SPIDR: variants seen among roughly 807,000 people sequenced by gnomAD.
The protein encoded by SPIDR is scaffold protein involved in DNA repair.
SPIDR carries 93 observed loss-of-function variants against 104.6 expected under a neutral mutation model. The observed-to-expected ratio is 0.89, with a 90% CI of 0.75 to 1.06. The LOEUF (loss-of-function observed/expected upper bound fraction) is 1.06, where lower values mean the gene tolerates loss of function less well. Among genes scored for constraint, SPIDR ranks in the 50% least tolerant of loss-of-function variants. SPIDR has a pLI of 0.00. For missense variants in SPIDR, 1,154 were observed against 1,111.2 expected (o/e 1.04, Z -0.55); for synonymous variants, 431 against 416.9 (o/e 1.03, Z -0.41).
At chr8:47,729,089 C>G (rs2154493935) in intron 18 of SPIDR, 42 bp downstream of exon 18, 1 of 1,606,184 alleles carries the variant, frequency 6.2e-7, no homozygotes, top group Middle Eastern at 1.7e-4. Context: ...CTAGCTCACT[C>G]CAACATAGCG....
intron 5 of SPIDR, among the ~76,000 whole-genome samples, chr8:47,318,349 G>A (rs2045839861): frequency 6.6e-6 from 1 of 151,740 alleles, no homozygotes; most frequent in South Asian, 2.1e-4. Flanking sequence ...TATCAGTGAT[G>A]GAAGATGAAA....
intron 8 of SPIDR, 30 bp downstream of exon 8, chr8:47,440,572 A>G: frequency 6.3e-7 from 1 of 1,579,396 alleles, no homozygotes; most frequent in Non-Finnish European, 8.6e-7. Flanking sequence ...TCCAGCAGTC[A>G]CCAACTGTGA....
chr8:47,463,393 A>T (rs369838128), intron 8 of SPIDR, among the ~76,000 whole-genome samples: 45 of 152,202 alleles, frequency 3.0e-4, no homozygotes, highest in African/African-American at 1.1e-3. Flanking sequence ...AAACCTTCCA[A>T]TGAAGAAAGA....
At position 47,452,253 on chromosome 8, in the gene SPIDR, G is replaced by A. The variant is rs148981184; in HGVS notation, c.1097+11711G>A. ...ATCAGAAACTGTGAGGTCCAAAATC[G>A]ATCAATCAATGAGAAAACGAAACAA... On this transcript the variant is annotated intron_variant, in intron 8 of 19. Coordinates refer to ENST00000297423, the MANE Select transcript of SPIDR (RefSeq NM_001080394.4). Among the ~76,000 whole-genome samples the A allele has an allele frequency of 3.0e-3, 460 of 152,046 alleles. 1 individual carries two copies. The highest frequency in any genetic ancestry group is 0.011 in the African/African-American group (447 of 41,474).
At chr8:47,464,187 C>T (rs2074404325) in intron 8 of SPIDR, among the ~76,000 whole-genome samples, 2 of 151,182 alleles carry the variant, frequency 1.3e-5, no homozygotes, top group African/African-American at 4.9e-5. Flanking sequence ...GAAAGTTGCA[C>T]AATGCAGATT....
rs2080105656 is a variant in SPIDR, at chr8:47,701,059, A to G, written c.1773+569A>G. ...GCTGCTTTGGGCCAGAGGTCCCAAA[A>G]CAAAACTGGGGCTGTCTTCCTTAGG... On this transcript the variant is annotated intron_variant, in intron 12 of 19. Coordinates refer to ENST00000297423, the MANE Select transcript of SPIDR (RefSeq NM_001080394.4). Among the ~76,000 whole-genome samples the G allele has an allele frequency of 2.0e-5, 3 of 152,302 alleles. No homozygotes were observed. The South Asian group carries it at 6.2e-4, about 32-fold the overall frequency.
At chr8:47,487,860 G>A (rs949705607) in intron 8 of SPIDR, among the ~76,000 whole-genome samples, 5 of 152,114 alleles carry the variant, frequency 3.3e-5, no homozygotes, top group Admixed American at 3.3e-4. Flanking sequence ...AAAGCAGTGT[G>A]TAGAGGGAAA....
chr8:47,555,704 A>AT (rs2154399283), intron 8 of SPIDR, among the ~76,000 whole-genome samples: 1 of 152,156 alleles, frequency 6.6e-6, no homozygotes, highest in East Asian at 1.9e-4. Context: ...GAGACCTGTG[A>AT]TTTTCTGAAT....
intron 10 of SPIDR, among the ~76,000 whole-genome samples, chr8:47,640,957 C>T: frequency 6.9e-6 from 1 of 145,536 alleles, no homozygotes; most frequent in Non-Finnish European, 1.5e-5. Context: ...AGGCAATCTG[C>T]CCATCTCGGC....
At chr8:47,509,018 C>T (rs779529143) in intron 8 of SPIDR, among the ~76,000 whole-genome samples, 40 of 152,210 alleles carry the variant, frequency 2.6e-4, no homozygotes, top group South Asian at 2.1e-4. Flanking sequence ...GGCTGTTGGA[C>T]GAGAGAAGAG....
intron 8 of SPIDR, among the ~76,000 whole-genome samples, chr8:47,506,667 T>C (rs1171219780): frequency 2.0e-5 from 3 of 151,984 alleles, no homozygotes; most frequent in African/African-American, 7.2e-5. Context: ...TACTACCCAT[T>C]TTGTGGTCTA....
Position 47,734,408 on chromosome 8 carries a change from T to C in SPIDR, c.2605-899T>C, listed in dbSNP as rs142692463. ...GGAAGGGCACCAAGGAGCCACATTC[T>C]ACCTGCTTTGGCCACGTTGTCTGGC... On this transcript the variant is annotated intron_variant, in intron 19 of 19. Transcript: ENST00000297423. Among the ~76,000 whole-genome samples the C allele has an allele frequency of 4.5e-3, 691 of 152,290 alleles. 6 individuals are homozygous for C. The highest frequency in any genetic ancestry group is 0.01 in the Middle Eastern group (3 of 294).
At chr8:47,512,762 C>G (rs1409124147) in intron 8 of SPIDR, among the ~76,000 whole-genome samples, 1 of 152,170 alleles carries the variant, frequency 6.6e-6, no homozygotes, top group Non-Finnish European at 1.5e-5. Context: ...AGTTTATAAT[C>G]AAAGTATTGC....
intron 10 of SPIDR, among the ~76,000 whole-genome samples, chr8:47,671,544 C>T (rs991095040): frequency 3.3e-5 from 5 of 151,240 alleles, no homozygotes; most frequent in Admixed American, 3.3e-4. Context: ...GAGATTGCTC[C>T]ACTGCACCCC....
intron 5 of SPIDR, among the ~76,000 whole-genome samples, chr8:47,338,174 G>A (rs1370876450): frequency 6.6e-6 from 1 of 152,064 alleles, no homozygotes; most frequent in East Asian, 1.9e-4. Flanking sequence ...TGTGTGGGAG[G>A]CCACAGGTGC....
chr8:47,362,501 G>C (rs1377242014), intron 5 of SPIDR, among the ~76,000 whole-genome samples: 1 of 152,184 alleles, frequency 6.6e-6, no homozygotes, highest in African/African-American at 2.4e-5. Context: ...TGGTATGCCA[G>C]ATCTCTGCCA....
chr8:47,424,963 C>T (rs2066188930), intron 7 of SPIDR, among the ~76,000 whole-genome samples: 1 of 152,190 alleles, frequency 6.6e-6, no homozygotes. Context: ...CATTAACCAC[C>T]TTGCCCAGAC....
chr8:47,275,115 C>T (rs368748284), intron 1 of SPIDR, among the ~76,000 whole-genome samples: 14 of 151,150 alleles, frequency 9.3e-5, no homozygotes, highest in East Asian at 2.0e-4. Flanking sequence ...AAAAATTAGC[C>T]GCGCGTGGTG....
intron 16 of SPIDR, among the ~76,000 whole-genome samples, chr8:47,720,439 C>T (rs1473472359): frequency 2.0e-5 from 3 of 152,208 alleles, no homozygotes; most frequent in African/African-American, 7.2e-5. Flanking sequence ...TTCCCACCAG[C>T]AATGAATAAG....
Sources: allele counts gnomAD v4.1 joint callset (sites outside exome capture counted in the v4.1 genomes callset), GRCh38; gene constraint gnomAD v4.1.1; transcripts MANE v1.5; gene names NCBI Gene and HGNC (gene_info 2026-07-23, HGNC 2026-07-21).